Variants in DIAPH2 observed in about 807,000 individuals in gnomAD.
DIAPH2 encodes protein diaphanous homolog 2.
Under a neutral mutation model 92.7 loss-of-function variants are expected in DIAPH2, and 35 were observed. The observed-to-expected ratio is 0.38, with a 90% CI of 0.29 to 0.50. The LOEUF is 0.50. DIAPH2 is among the 20% of genes least tolerant of loss of function. DIAPH2 has a pLI of 0.94. For synonymous variants in DIAPH2, 301 were observed against 280.4 expected (o/e 1.07, Z -0.73); for missense variants, 701 against 819.5 (o/e 0.86, Z 1.77).
At chrX:96,809,170 C>G (rs901818944) in intron 4 of DIAPH2, among the ~76,000 whole-genome samples, 1 of 111,055 alleles carries the variant, frequency 9.0e-6, no homozygotes, top group African/African-American at 3.3e-5. Context: ...TCCTCTCCGT[C>G]TTCTCTCCAT....
At chrX:97,162,943 G>A (rs2067385153) in intron 22 of DIAPH2, among the ~76,000 whole-genome samples, 1 of 110,593 alleles carries the variant, frequency 9.0e-6, no homozygotes, top group Non-Finnish European at 1.9e-5. Context: ...TGTTTCTAAG[G>A]TATGAATTTC....
At chrX:96,737,414 G>T (rs1453483397) in intron 2 of DIAPH2, among the ~76,000 whole-genome samples, 1 of 111,980 alleles carries the variant, frequency 8.9e-6, no homozygotes, top group Non-Finnish European at 1.9e-5. Flanking sequence ...TAACTTCTGT[G>T]ATGCTCTTTG....
At chrX:97,537,951 C>T (rs1467610799) in intron 26 of DIAPH2, among the ~76,000 whole-genome samples, 1 of 101,501 alleles carries the variant, frequency 9.9e-6, no homozygotes, top group Non-Finnish European at 2.0e-5. Flanking sequence ...GTGGTGCGAT[C>T]TCGGCTCACT....
intron 3 of DIAPH2, among the ~76,000 whole-genome samples, chrX:96,746,550 T>G (rs2064151271): frequency 9.0e-6 from 1 of 111,097 alleles, no homozygotes; most frequent in East Asian, 2.8e-4. Context: ...TTCTTTTGTT[T>G]TTTTTGTTTG....
intron 24 of DIAPH2, among the ~76,000 whole-genome samples, chrX:97,362,112 G>T (rs1307592309): frequency 1.8e-5 from 2 of 110,699 alleles, no homozygotes; most frequent in Non-Finnish European, 3.8e-5. Flanking sequence ...GTGGTGGTGG[G>T]CATCTGTAAT....
intron 7 of DIAPH2, among the ~76,000 whole-genome samples, chrX:96,913,348 A>T (rs1480388740): frequency 1.8e-5 from 2 of 111,909 alleles, no homozygotes; most frequent in Non-Finnish European, 3.8e-5. Flanking sequence ...AATGTTCAGA[A>T]AACATAACAA....
chrX:97,201,860 A>C lies in DIAPH2; in HGVS notation c.2720-45855A>C, dbSNP rs2067753618. Among the ~76,000 whole-genome samples, 3 of 111,057 alleles carry C rather than the reference A, an allele frequency of 2.7e-5. No individual in the cohort carries two copies. The South Asian group carries it at 1.2e-3, about 43-fold the overall frequency. ...TGAGAAGGTCAACCCCAAGACAAAT[A>C]ATCATCAGATTCTCCAAGGTTGAAA... On this transcript the variant is annotated intron_variant, in intron 22 of 26. Transcript: ENST00000324765.
chrX:97,534,248 T>A (rs1188577214), intron 26 of DIAPH2, among the ~76,000 whole-genome samples: 1 of 111,435 alleles, frequency 9.0e-6, no homozygotes, highest in Non-Finnish European at 1.9e-5. Context: ...CATTTAGTCA[T>A]GTTCTATTTA....
chrX:97,319,956 C>T (rs1015330528), intron 23 of DIAPH2, among the ~76,000 whole-genome samples: 10 of 106,405 alleles, frequency 9.4e-5, no homozygotes, highest in African/African-American at 2.4e-4. Flanking sequence ...AAAAAATAGC[C>T]GGGTGTGGTG....
At chrX:96,738,865 T>G in intron 3 of DIAPH2, 103 bp downstream of exon 3, 1 of 584,965 alleles carries the variant, frequency 1.7e-6, no homozygotes, top group Admixed American at 4.1e-5. Flanking sequence ...TTATATCACA[T>G]AAAGAAGAGA....
chrX:96,779,662 G>A (rs2064402264), intron 4 of DIAPH2, among the ~76,000 whole-genome samples: 1 of 111,934 alleles, frequency 8.9e-6, no homozygotes, highest in South Asian at 3.7e-4. Flanking sequence ...GGCTTCCATT[G>A]TTTAAAAAGT....
chrX:97,211,408 T>C (rs1483577412), intron 22 of DIAPH2, among the ~76,000 whole-genome samples: 2 of 111,307 alleles, frequency 1.8e-5, no homozygotes, highest in Non-Finnish European at 3.8e-5. Flanking sequence ...TGGTGTCCAT[T>C]GTAGAATCAG....
intron 4 of DIAPH2, among the ~76,000 whole-genome samples, chrX:96,780,814 CT>C (rs60345216): frequency 3.5e-4 from 33 of 95,240 alleles, no homozygotes; most frequent in Non-Finnish European, 3.5e-4. Flanking sequence ...TCTCCCTGAT[CT>C]TTTTTTTTTT....
intron 1 of DIAPH2, among the ~76,000 whole-genome samples, chrX:96,706,786 T>C (rs1366310268): frequency 6.3e-5 from 7 of 111,290 alleles, no homozygotes; most frequent in African/African-American, 3.3e-5. Flanking sequence ...CTTTTCCTAA[T>C]GCAAGCTGAA....
At chrX:96,897,008 A>G (rs1478414830) in intron 5 of DIAPH2, among the ~76,000 whole-genome samples, 1 of 111,593 alleles carries the variant, frequency 9.0e-6, no homozygotes, top group African/African-American at 3.2e-5. Context: ...GTGGGGGATT[A>G]TTAAGGATTT....
intron 23 of DIAPH2, among the ~76,000 whole-genome samples, chrX:97,283,453 C>CAG (rs908495727): frequency 2.5e-4 from 27 of 110,030 alleles, no homozygotes; most frequent in African/African-American, 7.5e-4. Flanking sequence ...TGCAGACTTT[C>CAG]AGAGAGAGAG....
chrX:97,507,141 C>CAAAAAAAAAAAAAAAAAAAAAA (rs397896097), intron 26 of DIAPH2, among the ~76,000 whole-genome samples: 7 of 31,129 alleles, frequency 2.2e-4, no homozygotes, highest in Non-Finnish European at 2.7e-4. Flanking sequence ...ACAAAACCGA[C>CAAAAAAAAAAAAAAAAAAAAAA]AAAAAAAAAA....
intron 22 of DIAPH2, among the ~76,000 whole-genome samples, chrX:97,191,161 G>A (rs935578995): frequency 2.1e-4 from 23 of 109,250 alleles, no homozygotes; most frequent in African/African-American, 2.0e-4. Context: ...AAACCCTGTC[G>A]TTACTAAAAA....
chrX:96,876,693 A>G (rs1036035363), intron 4 of DIAPH2, among the ~76,000 whole-genome samples: 15 of 106,137 alleles, frequency 1.4e-4, no homozygotes, highest in African/African-American at 4.8e-4. Flanking sequence ...TCTCACTCAT[A>G]GGTGGGAATT....
Sources: allele counts gnomAD v4.1 joint callset (sites outside exome capture counted in the v4.1 genomes callset), GRCh38; gene constraint gnomAD v4.1.1; transcripts MANE v1.5; gene names NCBI Gene and HGNC (gene_info 2026-07-23, HGNC 2026-07-21).